Variants in EPM2A observed in about 807,000 individuals in gnomAD.
The protein encoded by EPM2A is laforin.
EPM2A carries 21 observed loss-of-function variants against 26.5 expected under a neutral mutation model. The observed-to-expected ratio is 0.79, with a 90% CI of 0.56 to 1.14. The LOEUF (loss-of-function observed/expected upper bound fraction) is 1.14, where lower values mean the gene tolerates loss of function less well. EPM2A is among the 50% of genes most tolerant of loss of function. The pLI is 0.00. For missense variants in EPM2A, 458 were observed against 440.8 expected (o/e 1.04, Z -0.35); for synonymous variants, 217 against 177.6 (o/e 1.22, Z -1.76).
intron 2 of EPM2A, among the ~76,000 whole-genome samples, chr6:145,659,463 A>G (rs1208444839): frequency 6.6e-6 from 1 of 152,164 alleles, no homozygotes; most frequent in Non-Finnish European, 1.5e-5. Context: ...GGTAAATACA[A>G]TTTTTGTTCA....
chr6:145,405,522 G>C (rs141711361), intron 4 of EPM2A, among the ~76,000 whole-genome samples: 1 of 152,198 alleles, frequency 6.6e-6, no homozygotes, highest in East Asian at 1.9e-4. Context: ...AATGTTCCCT[G>C]ATAAAGCACT....
chr6:145,713,973 A>G (rs1775475734), intron 1 of EPM2A, among the ~76,000 whole-genome samples: 1 of 152,232 alleles, frequency 6.6e-6, no homozygotes, highest in African/African-American at 2.4e-5. Context: ...GAAAGCAGCC[A>G]GTTACAAAGG....
chr6:145,647,112 G>T (rs868052159), intron 2 of EPM2A, among the ~76,000 whole-genome samples: 1 of 152,140 alleles, frequency 6.6e-6, no homozygotes, highest in African/African-American at 2.4e-5. Context: ...TAGAGTGATC[G>T]TTTTAAAGCA....
chr6:145,719,682 T>C (rs1335279484), intron 1 of EPM2A, among the ~76,000 whole-genome samples: 1 of 152,208 alleles, frequency 6.6e-6, no homozygotes, highest in Non-Finnish European at 1.5e-5. Context: ...CTTTAGTCCT[T>C]ACTTGACAAT....
intron 4 of EPM2A, among the ~76,000 whole-genome samples, chr6:145,411,565 T>A (rs1399511236): frequency 1.3e-5 from 2 of 148,692 alleles, no homozygotes; most frequent in Admixed American, 1.3e-4. Flanking sequence ...TTGAGAATGG[T>A]AAAAAAAAAA....
chr6:145,434,120 A>C (rs1159262548), intron 4 of EPM2A, among the ~76,000 whole-genome samples: 3 of 152,092 alleles, frequency 2.0e-5, no homozygotes, highest in African/African-American at 7.2e-5. Flanking sequence ...GACACTTCAA[A>C]GATGTCATTT....
At chr6:145,443,557 T>C (rs1158675730) in intron 4 of EPM2A, among the ~76,000 whole-genome samples, 3 of 152,230 alleles carry the variant, frequency 2.0e-5, no homozygotes, top group African/African-American at 7.2e-5. Context: ...ATAGGAATGC[T>C]ACTGACTTTC....
intron 3 of EPM2A, chr6:145,630,007 A>T (rs946299957): frequency 2.6e-5 from 4 of 152,274 alleles, no homozygotes; most frequent in Non-Finnish European, 5.9e-5. Flanking sequence ...TTCCCCTAGG[A>T]TGGGTCTGCA....
intron 2 of EPM2A, among the ~76,000 whole-genome samples, chr6:145,597,098 G>T (rs1053504577): frequency 2.6e-5 from 4 of 151,380 alleles, no homozygotes; most frequent in East Asian, 2.0e-4. Context: ...GTTTCACCTT[G>T]TTAGCCAGGA....
At chr6:145,597,758 T>C (rs1041621353) in intron 2 of EPM2A, among the ~76,000 whole-genome samples, 1 of 151,498 alleles carries the variant, frequency 6.6e-6, no homozygotes, top group African/African-American at 2.4e-5. Flanking sequence ...CAGTGTCTGT[T>C]GTTCCCTTCT....
At chr6:145,617,088 C>T (rs1015424728) in intron 2 of EPM2A, among the ~76,000 whole-genome samples, 4 of 152,074 alleles carry the variant, frequency 2.6e-5, no homozygotes, top group African/African-American at 9.7e-5. Flanking sequence ...TGTGTCCCTA[C>T]CCAAATTTCA....
At chr6:145,643,959 C>T (rs76965296) in intron 2 of EPM2A, among the ~76,000 whole-genome samples, 6,252 of 152,178 alleles carry the variant, frequency 0.041, 434 homozygotes, top group African/African-American at 0.14. Flanking sequence ...TAGATAGTGA[C>T]GTAGGACATG....
chr6:145,397,572 T>C (rs570419237), intron 4 of EPM2A, among the ~76,000 whole-genome samples: 49 of 152,310 alleles, frequency 3.2e-4, no homozygotes, highest in African/African-American at 1.2e-3. Flanking sequence ...TTCAAAGCTG[T>C]AGGCATCAAC....
chr6:145,470,394 T>C (rs1367640764), intron 4 of EPM2A, among the ~76,000 whole-genome samples: 1 of 152,166 alleles, frequency 6.6e-6, no homozygotes, highest in Non-Finnish European at 1.5e-5. Context: ...ATGCTGTATG[T>C]AGTCCAAAAT....
At chr6:145,615,547 G>A (rs1775489018) in intron 2 of EPM2A, among the ~76,000 whole-genome samples, 3 of 152,066 alleles carry the variant, frequency 2.0e-5, no homozygotes, top group Admixed American at 2.0e-4. Flanking sequence ...AAATGAGGAA[G>A]CAACTTTGGA....
At chr6:145,547,799 G>A (rs1178379076) in intron 2 of EPM2A, among the ~76,000 whole-genome samples, 1 of 152,046 alleles carries the variant, frequency 6.6e-6, no homozygotes, top group Non-Finnish European at 1.5e-5. Context: ...CAGACCCAAG[G>A]AATGATGAAA....
At chr6:145,565,687 G>A (rs1780875643) in intron 2 of EPM2A, among the ~76,000 whole-genome samples, 1 of 152,112 alleles carries the variant, frequency 6.6e-6, no homozygotes, top group Non-Finnish European at 1.5e-5. Context: ...TTTTTGGAAA[G>A]AGCTTGGCCC....
intron 1 of EPM2A, chr6:145,721,371 C>A (rs901392578): frequency 1.3e-5 from 2 of 152,128 alleles, no homozygotes; most frequent in African/African-American, 4.8e-5. Context: ...ATGCCAGCAT[C>A]AGAGCAAAAA....
At chr6:145,384,223 T>C (rs1778227966) in intron 4 of EPM2A, 1 of 152,208 alleles carries the variant, frequency 6.6e-6, no homozygotes, top group African/African-American at 2.4e-5. Context: ...TGCAAGTCCC[T>C]AGTTTTTCTT....
Sources: gnomAD v4.1 joint callset for allele counts (sites outside exome capture counted in the v4.1 genomes callset) on GRCh38, gnomAD v4.1.1 for gene constraint, MANE v1.5 for transcripts, NCBI Gene and HGNC (gene_info 2026-07-23, HGNC 2026-07-21) for gene names.